Variants in LRRC4C observed in about 807,000 individuals in gnomAD.
LRRC4C encodes the protein leucine rich repeat containing 4C, also known as leucine-rich repeat-containing protein 4C.
In LRRC4C, 5 loss-of-function variants were observed where a neutral mutation model predicts 33.6. The ratio of observed to expected loss-of-function variants is 0.15; its 90% CI spans 0.08 to 0.31. The LOEUF (loss-of-function observed/expected upper bound fraction) is 0.31, where lower values mean the gene tolerates loss of function less well. Among genes scored for constraint, LRRC4C ranks in the 10% least tolerant of loss-of-function variants. LRRC4C has a pLI of 1.00. For missense variants in LRRC4C, 560 were observed against 796.7 expected (o/e 0.70, Z 3.58); for synonymous variants, 329 against 302.0 (o/e 1.09, Z -0.93).
chr11:41,037,241 C>T (rs914187471), intron 1 of LRRC4C, among the ~76,000 whole-genome samples: 1 of 150,164 alleles, frequency 6.7e-6, no homozygotes, highest in African/African-American at 2.4e-5. Flanking sequence ...ATGGTTGTCA[C>T]TTGATTAGAT....
intron 1 of LRRC4C, among the ~76,000 whole-genome samples, chr11:41,159,567 T>A (rs976856100): frequency 6.6e-6 from 1 of 152,164 alleles, no homozygotes; most frequent in African/African-American, 2.4e-5. Flanking sequence ...TAACAACATT[T>A]AATATTGTGA....
At chr11:41,022,860 A>G (rs567850956) in intron 1 of LRRC4C, among the ~76,000 whole-genome samples, 2 of 151,998 alleles carry the variant, frequency 1.3e-5, no homozygotes, top group South Asian at 4.1e-4. Context: ...CGAAGAGAAC[A>G]CTCTTCTGCC....
At chr11:41,053,397 T>C (rs891093298) in intron 1 of LRRC4C, among the ~76,000 whole-genome samples, 1 of 152,186 alleles carries the variant, frequency 6.6e-6, no homozygotes, top group Non-Finnish European at 1.5e-5. Flanking sequence ...CTGTAAAGAA[T>C]TGAATTATGT....
At chr11:41,245,714 T>G (rs377417646) in intron 1 of LRRC4C, among the ~76,000 whole-genome samples, 2 of 152,088 alleles carry the variant, frequency 1.3e-5, no homozygotes, top group African/African-American at 2.4e-5. Flanking sequence ...CTTGTGTTTT[T>G]CAGCCATGCC....
At chr11:40,190,284 T>C (rs751336373) in intron 5 of LRRC4C, among the ~76,000 whole-genome samples, 34 of 152,326 alleles carry the variant, frequency 2.2e-4, no homozygotes, top group Middle Eastern at 3.4e-3. Context: ...ATTTGCAACA[T>C]TGGCTGATCA....
intron 2 of LRRC4C, among the ~76,000 whole-genome samples, chr11:40,664,532 G>T (rs952176374): frequency 7.3e-6 from 1 of 137,264 alleles, no homozygotes; most frequent in South Asian, 2.5e-4. Context: ...GCGAAAGAGC[G>T]AGACTCTGTC....
At chr11:40,242,694 T>G (rs10768591) in intron 4 of LRRC4C, among the ~76,000 whole-genome samples, 116,517 of 151,998 alleles carry the variant, frequency 0.77, 48,931 homozygotes, top group East Asian at 0.95. Flanking sequence ...GCATTTAATA[T>G]ATAAAGAAAG....
chr11:40,562,548 T>C (rs1027619708), intron 3 of LRRC4C, among the ~76,000 whole-genome samples: 1 of 152,202 alleles, frequency 6.6e-6, no homozygotes, highest in African/African-American at 2.4e-5. Context: ...ATAAATATCA[T>C]GACACTTGCA....
chr11:41,441,148 G>A (rs1043856183), intron 1 of LRRC4C, among the ~76,000 whole-genome samples: 2 of 152,136 alleles, frequency 1.3e-5, no homozygotes, highest in Non-Finnish European at 2.9e-5. Flanking sequence ...ACCTATATCA[G>A]CTGTATTTGT....
chr11:40,156,574 T>G (rs1858707679), intron 5 of LRRC4C, among the ~76,000 whole-genome samples: 1 of 151,600 alleles, frequency 6.6e-6, no homozygotes, highest in Admixed American at 6.6e-5. Flanking sequence ...GAGAATCAAA[T>G]CAAGAACTCA....
chr11:41,040,755 G>A (rs1003257513), intron 1 of LRRC4C, among the ~76,000 whole-genome samples: 12 of 151,966 alleles, frequency 7.9e-5, no homozygotes, highest in Non-Finnish European at 1.8e-4. Flanking sequence ...AAAATCAAAG[G>A]GTTTAATATT....
chr11:40,662,706 G>T (rs1363546268), intron 2 of LRRC4C, among the ~76,000 whole-genome samples: 1 of 152,186 alleles, frequency 6.6e-6, no homozygotes, highest in African/African-American at 2.4e-5. Context: ...AGAATCAGAA[G>T]ATCTGGGTTC....
At chr11:40,931,497 G>C (rs540560403) in intron 2 of LRRC4C, among the ~76,000 whole-genome samples, 1 of 152,098 alleles carries the variant, frequency 6.6e-6, no homozygotes, top group South Asian at 2.1e-4. Flanking sequence ...GAGAATGTTA[G>C]CTTATAGGGG....
intron 1 of LRRC4C, among the ~76,000 whole-genome samples, chr11:41,078,601 C>G (rs1479748703): frequency 2.6e-5 from 4 of 151,996 alleles, no homozygotes; most frequent in Non-Finnish European, 5.9e-5. Flanking sequence ...TTCAGACAAC[C>G]AGGTCTTGTG....
intron 2 of LRRC4C, among the ~76,000 whole-genome samples, chr11:40,720,383 C>T (rs1946952711): frequency 6.6e-6 from 1 of 152,130 alleles, no homozygotes; most frequent in Non-Finnish European, 1.5e-5. Context: ...CAAAGAATGA[C>T]AAAACGAAAA....
At chr11:40,502,150 T>C (rs1019720953) in intron 3 of LRRC4C, among the ~76,000 whole-genome samples, 1 of 152,176 alleles carries the variant, frequency 6.6e-6, no homozygotes, top group Non-Finnish European at 1.5e-5. Context: ...GACCACCTCA[T>C]CCTGGACTTT....
chr11:41,230,548 G>A lies in LRRC4C; in HGVS notation c.-496+228883C>T, dbSNP rs534701663. On this transcript the variant is annotated intron_variant, in intron 1 of 6. Coordinates refer to ENST00000528697, the MANE Select transcript of LRRC4C (RefSeq NM_001258419.2). ...ATTAGCCTCTTAGGATTTTTCACTT[G>A]CAAGTTTTAATTATTAGCCAAATTG... Among the ~76,000 whole-genome samples, 12 of 152,096 alleles carry A rather than the reference G, an allele frequency of 7.9e-5. No individual in the cohort carries two copies. In the South Asian group the frequency reaches 1.9e-3, roughly 24 times the overall value.
At chr11:40,306,805 T>A (rs1350089768) in intron 4 of LRRC4C, among the ~76,000 whole-genome samples, 21 of 152,284 alleles carry the variant, frequency 1.4e-4, no homozygotes, top group Non-Finnish European at 1.5e-4. Flanking sequence ...TTACCCTTTA[T>A]AACATGGCCC....
intron 1 of LRRC4C, among the ~76,000 whole-genome samples, chr11:41,140,207 C>T (rs1201910175): frequency 6.6e-6 from 1 of 152,084 alleles, no homozygotes; most frequent in African/African-American, 2.4e-5. Context: ...ATTTACCCAA[C>T]CCTGCTATCC....
Sources: allele counts gnomAD v4.1 joint callset (sites outside exome capture counted in the v4.1 genomes callset), GRCh38; gene constraint gnomAD v4.1.1; transcripts MANE v1.5; gene names NCBI Gene and HGNC (gene_info 2026-07-23, HGNC 2026-07-21).